Variants in DPM1 observed in about 807,000 individuals in gnomAD.
DPM1 encodes dolichol-phosphate mannosyltransferase subunit 1.
DPM1 carries 27 observed loss-of-function variants against 39.0 expected under a neutral mutation model. The observed-to-expected ratio is 0.69, with a 90% CI of 0.51 to 0.95. The LOEUF (loss-of-function observed/expected upper bound fraction) is 0.95, where lower values mean the gene tolerates loss of function less well. DPM1 is among the 40% of genes least tolerant of loss of function. The pLI, the probability that DPM1 is intolerant of heterozygous loss-of-function variation, is 0.00. For synonymous variants in DPM1, 124 were observed against 109.0 expected (o/e 1.14, Z -0.86); for missense variants, 307 against 315.6 (o/e 0.97, Z 0.21).
Position 50,948,668 on chromosome 20 carries a change from G to T in DPM1, c.262-6C>A. On this transcript the variant is annotated splice_polypyrimidine_tract_variant and splice_region_variant and intron_variant, in intron 2 of 8. Coordinates refer to ENST00000371588, the MANE Select transcript of DPM1 (RefSeq NM_003859.3). ...TTCTCTCGTGGTCTTAGAAGCTGTA[G>T]GAATAAGAAATAGCATTTTACACAC... The T allele has an allele frequency of 6.2e-7, 1 of 1,613,218 alleles. No individual in the cohort carries two copies. Among genetic ancestry groups the T allele is most frequent in the Non-Finnish European group, 8.5e-7 (1 of 1,179,358 alleles).
chr20:50,958,324 C>T (rs561027147), intron 1 of DPM1, 39 bp downstream of exon 1: 5 of 1,608,426 alleles, frequency 3.1e-6, no homozygotes, highest in African/African-American at 2.7e-5. Flanking sequence ...GGGAAGCCAG[C>T]TCATCTCATT....
chr20:50,946,180 G>T (rs749459123), intron 3 of DPM1, among the ~76,000 whole-genome samples: 1 of 152,168 alleles, frequency 6.6e-6, no homozygotes, highest in Non-Finnish European at 1.5e-5. Flanking sequence ...GTATAGCAAA[G>T]AAATAGTTTA....
chr20:50,948,691 C>T (rs1196453579), intron 2 of DPM1, 29 bp from the exon 3 acceptor site: 8 of 1,603,256 alleles, frequency 5.0e-6, no homozygotes, highest in Admixed American at 1.7e-5. Flanking sequence ...GCATTTTACA[C>T]ACAGAAACAG....
intron 7 of DPM1, among the ~76,000 whole-genome samples, chr20:50,939,207 C>G (rs949053994): frequency 6.6e-6 from 1 of 152,106 alleles, no homozygotes; most frequent in African/African-American, 2.4e-5. Flanking sequence ...TTCACAGCCT[C>G]TATCTTCACA....
At chr20:50,943,352 T>G (rs887545316) in intron 5 of DPM1, among the ~76,000 whole-genome samples, 1 of 151,788 alleles carries the variant, frequency 6.6e-6, no homozygotes, top group Non-Finnish European at 1.5e-5. Flanking sequence ...TACAATAAAC[T>G]TTTTTTGTTT....
chr20:50,957,985 T>A (rs1052820648), intron 1 of DPM1, among the ~76,000 whole-genome samples: 1 of 151,430 alleles, frequency 6.6e-6, no homozygotes, highest in African/African-American at 2.4e-5. Flanking sequence ...GAGCGGAGAG[T>A]GAGAGCTCTC....
At chr20:50,946,734 G>C (rs1322755434) in intron 3 of DPM1, among the ~76,000 whole-genome samples, 5 of 152,222 alleles carry the variant, frequency 3.3e-5, no homozygotes, top group Non-Finnish European at 5.9e-5. Flanking sequence ...CCCCTCACAA[G>C]TGTCTTATGA....
In DPM1 at chr20:50,945,856, G is replaced by C. The variant is rs1986253681; in HGVS notation, c.363C>G (p.Leu121=). 1.9e-6 allele frequency: 3 copies of C among 1,613,376 alleles called. No individual in the cohort carries two copies. Among genetic ancestry groups the C allele is most frequent in the African/African-American group, 2.7e-5 (2 of 74,918 alleles). Residue 121 remains leucine (L), a synonymous_variant, in exon 4 of 9, where the codon CTC becomes CTG. Transcript: ENST00000371588. ...GAAACATACCACTTACATGGTGTGA[G>C]AGATCAGCATCCATAATAATGATGT... ...GNYIIIMDAD[L]SHHPKFIPEF... is the part of the protein sequence containing the mutation.
chr20:50,945,788 AAGTC>A, intron 4 of DPM1, 26 bp from the exon 5 acceptor site: 1 of 1,608,524 alleles, frequency 6.2e-7, no homozygotes, highest in Admixed American at 1.7e-5. Flanking sequence ...AATAAACAGT[AAGTC>A]AGTAAAACAG....
Position 50,955,274 on chromosome 20 carries a change from T to C in DPM1, c.173A>G (p.Tyr58Cys), listed in dbSNP as rs1040795570. Residue 58 changes from tyrosine to cysteine, a missense_variant, in exon 2 of 9, where the codon TAT (tyrosine) becomes TGT (cysteine). Around this residue, in one of 3 missense-constraint regions of DPM1, gnomAD observed 206 missense variants for 188.2 expected, o/e 1.09. Coordinates refer to ENST00000371588, the MANE Select transcript of DPM1 (RefSeq NM_003859.3). The stretch of plus-strand genomic sequence containing the variant: ...TCCATCATCTATGATTATAATTTCA[T>C]AGTTGATTCCACTAAAAAAATTAAA... ...VKSFSESGIN[Y>C]EIIIIDDGSP... The C allele has an allele frequency of 1.2e-5, 19 of 1,611,596 alleles. No homozygotes were observed. The highest frequency in any genetic ancestry group is 1.5e-5 in the Non-Finnish European group (18 of 1,178,686).
intron 7 of DPM1, among the ~76,000 whole-genome samples, chr20:50,940,086 T>TTGTGTG (rs11469059): frequency 0.01 from 1,479 of 146,608 alleles, 21 homozygotes; most frequent in Middle Eastern, 0.038. Flanking sequence ...AGGTCCTAAT[T>TTGTGTG]TGTGTGTGTG....
intron 5 of DPM1, among the ~76,000 whole-genome samples, chr20:50,945,331 C>A (rs1015200077): frequency 2.0e-4 from 27 of 135,576 alleles, no homozygotes; most frequent in African/African-American, 6.9e-4. Context: ...TGTCTACTAT[C>A]TATACAGATA....
chr20:50,958,440 C>T lies in DPM1; in HGVS notation c.84G>A (p.Ser28=), dbSNP rs16995639. The T allele has an allele frequency of 1.4e-5, 22 of 1,613,958 alleles. No individual in the cohort carries two copies. Among genetic ancestry groups the T allele is most frequent in the Middle Eastern group, 1.6e-4 (1 of 6,084 alleles). ...EVRSPRQNKY[S]VLLPTYNERE... Reference sequence around the variant, plus strand: ...GCTCGTTGTAGGTAGGTAAAAGCACCGAATATTTGTTCTGTCGTGGACTGC... The same window carrying T: ...GCTCGTTGTAGGTAGGTAAAAGCACTGAATATTTGTTCTGTCGTGGACTGC... Residue 28 remains serine (S), a synonymous_variant, in exon 1 of 9, where the codon TCG becomes TCA. Coordinates refer to ENST00000371588, the MANE Select transcript of DPM1 (RefSeq NM_003859.3).
At chr20:50,956,389 G>T (rs1029895888) in intron 1 of DPM1, among the ~76,000 whole-genome samples, 1 of 152,060 alleles carries the variant, frequency 6.6e-6, no homozygotes, top group Non-Finnish European at 1.5e-5. Context: ...GGATCACGAG[G>T]TCAGGATATC....
chr20:50,948,295 G>A (rs1176450763), intron 3 of DPM1, among the ~76,000 whole-genome samples: 1 of 151,514 alleles, frequency 6.6e-6, no homozygotes, highest in Non-Finnish European at 1.5e-5. Context: ...TCCTGCCGTT[G>A]CTCCATCCCT....
intron 7 of DPM1, among the ~76,000 whole-genome samples, chr20:50,939,365 GT>G (rs564598562): frequency 6.7e-6 from 1 of 149,660 alleles, no homozygotes; most frequent in Admixed American, 6.7e-5. Flanking sequence ...GATCTTTTTT[GT>G]TTTTTTTTGT....
chr20:50,938,236 CCTTTT>C (rs1050869134), intron 7 of DPM1, among the ~76,000 whole-genome samples: 9 of 151,984 alleles, frequency 5.9e-5, no homozygotes, highest in African/African-American at 1.2e-4. Context: ...TTCCAGGATT[CCTTTT>C]CTTATTTTGT....
At chr20:50,958,038 G>A (rs1986925310) in intron 1 of DPM1, among the ~76,000 whole-genome samples, 1 of 152,192 alleles carries the variant, frequency 6.6e-6, no homozygotes, top group African/African-American at 2.4e-5. Flanking sequence ...ACCGCCTAGA[G>A]GGAGGAGTGG....
intron 7 of DPM1, among the ~76,000 whole-genome samples, chr20:50,940,481 T>C (rs1165587282): frequency 2.6e-5 from 4 of 152,202 alleles, no homozygotes; most frequent in African/African-American, 9.7e-5. Flanking sequence ...ACAAGGTAAC[T>C]GAGAGAGCTC....
Sources: allele counts gnomAD v4.1 joint callset (sites outside exome capture counted in the v4.1 genomes callset), GRCh38; gene constraint gnomAD v4.1.1; regional missense constraint gnomAD v4.1.1; transcripts MANE v1.5; gene names NCBI Gene and HGNC (gene_info 2026-07-23, HGNC 2026-07-21).